Variants in PDE6G observed in about 807,000 individuals in gnomAD.
PDE6G encodes rod cGMP 3',5'-cyclic phosphodiesterase subunit gamma.
In PDE6G, 10 loss-of-function variants were observed where a neutral mutation model predicts 10.9. The observed-to-expected ratio is 0.91, with a 90% CI of 0.56 to 1.55. The LOEUF (loss-of-function observed/expected upper bound fraction) is 1.55, where lower values mean the gene tolerates loss of function less well. Among genes scored for constraint, PDE6G ranks in the 40% most tolerant of loss-of-function variants. The pLI is 0.00. For missense variants in PDE6G, 102 were observed against 110.1 expected, an observed-to-expected ratio of 0.93 and a Z score of 0.33; for synonymous variants, 41 against 42.8, an observed-to-expected ratio of 0.96 and a Z score of 0.16.
chr17:81,652,892 G>A (rs2036384419), intron 2 of PDE6G, among the ~76,000 whole-genome samples: 1 of 61,264 alleles, frequency 1.6e-5, no homozygotes, highest in African/African-American at 8.0e-5. Context: ...CTCCCAAAGC[G>A]CTGAGCCACC....
upstream of PDE6G, among the ~76,000 whole-genome samples, chr17:81,657,880 C>CAAAT (rs1555693831): frequency 1.8e-4 from 25 of 138,786 alleles, no homozygotes; most frequent in African/African-American, 6.6e-4. Flanking sequence ...GATTCTGTTT[C>CAAAT]AAATGAATAA....
chr17:81,651,298 G>A lies in PDE6G; in HGVS notation c.188-148C>T. On this transcript the variant is annotated intron_variant, in intron 3 of 3. Coordinates refer to ENST00000331056, the MANE Select transcript of PDE6G (RefSeq NM_002602.4). This position sits in a 1 kb window ranked among gnomAD's most constrained non-coding sequence, Gnocchi z 4.8. ...GACGCTGGAGTGGGGCCCTCCTCTGGGGACACACTGGCTGTGGGGGAAGGA... is the reference window on the plus strand; with the variant it reads ...GACGCTGGAGTGGGGCCCTCCTCTGAGGACACACTGGCTGTGGGGGAAGGA... The A allele has an allele frequency of 1.5e-6, 1 of 686,972 alleles. No homozygotes were observed. The highest frequency in any genetic ancestry group is 2.6e-6 in the Non-Finnish European group (1 of 380,272). The allele number at this position is 686,972 out of a possible 1,614,324, so 42.6% of individuals were successfully genotyped here.
chr17:81,660,257 CA>C (rs1210424562), upstream of PDE6G, among the ~76,000 whole-genome samples: 3 of 151,406 alleles, frequency 2.0e-5, no homozygotes, highest in South Asian at 2.1e-4. Context: ...ACTAAAAATA[CA>C]AAAAATTAGC....
Position 81,651,702 on chromosome 17 carries a change from C to T in PDE6G, c.147-17G>A. The T allele has an allele frequency of 6.2e-7, 1 of 1,613,842 alleles. No individual in the cohort carries two copies. The highest frequency in any genetic ancestry group is 8.5e-7 in the Non-Finnish European group (1 of 1,179,832). On this transcript the variant is annotated splice_polypyrimidine_tract_variant and intron_variant, in intron 2 of 3. Coordinates refer to ENST00000331056, the MANE Select transcript of PDE6G (RefSeq NM_002602.4). The surrounding 1 kb of genome is among the most constrained non-coding windows in gnomAD (Gnocchi z 4.8). ...TCCCCAAACCTGCAAGGACAGAGCA[C>T]TCAGGGACATGGCCGGGCCCAGTCC...
At chr17:81,652,427 C>A (rs2036373351) in intron 2 of PDE6G, among the ~76,000 whole-genome samples, 1 of 152,060 alleles carries the variant, frequency 6.6e-6, no homozygotes, top group Non-Finnish European at 1.5e-5. Flanking sequence ...CAGGCGCCCG[C>A]CACCACGCCC....
At chr17:81,652,061 G>A (rs568696878) in intron 2 of PDE6G, among the ~76,000 whole-genome samples, 48 of 152,322 alleles carry the variant, frequency 3.2e-4, no homozygotes, top group African/African-American at 1.1e-3. Context: ...GGAGGTGTGA[G>A]CGTGTTTGTG....
At position 81,650,587 on chromosome 17, in the gene PDE6G, C is replaced by T; in HGVS notation, c.*487G>A. The T allele has an allele frequency of 2.2e-6, 1 of 454,308 alleles. No individual in the cohort carries two copies. The highest frequency in any genetic ancestry group is 4.4e-6 in the Non-Finnish European group (1 of 226,908). 28.1% of individuals were successfully genotyped at this position (454,308 alleles called of 1,614,324 possible). On this transcript the variant is annotated 3_prime_UTR_variant, in exon 4 of 4. Coordinates refer to ENST00000331056, the MANE Select transcript of PDE6G (RefSeq NM_002602.4). ...CCGTGCACGCCCTGGAGTCCTGCTACCCAGCATGTCCAAACTAAGGGCACC... is the reference window on the plus strand; with the variant it reads ...CCGTGCACGCCCTGGAGTCCTGCTATCCAGCATGTCCAAACTAAGGGCACC...
intron 2 of PDE6G, among the ~76,000 whole-genome samples, 167 bp downstream of exon 2, chr17:81,652,993 C>T (rs2036385997): frequency 6.6e-6 from 1 of 152,082 alleles, no homozygotes; most frequent in Non-Finnish European, 1.5e-5. Flanking sequence ...CTTCCCCCTC[C>T]TCCATCCCTG....
At chr17:81,656,646 C>T (rs2036451693), upstream of PDE6G, 1 of 706,086 alleles carries the variant, frequency 1.4e-6, no homozygotes, top group South Asian at 1.5e-5. Flanking sequence ...GGGGGCACAA[C>T]CACCAAGGTT....
At position 81,651,716 on chromosome 17, in the gene PDE6G, CG is replaced by C. The variant is rs775250199; in HGVS notation, c.147-32del. ...AGGACAGAGCACTCAGGGACATGGC[CG>C]GGCCCAGTCCTGGCTCAGTCAGCCT... is the stretch of plus-strand genomic sequence containing the variant. On this transcript the variant is annotated intron_variant, in intron 2 of 3. Transcript: ENST00000331056. This position sits in a 1 kb window ranked among gnomAD's most constrained non-coding sequence, Gnocchi z 4.8. The C allele has an allele frequency of 6.2e-7, 1 of 1,612,118 alleles. No individual in the cohort carries two copies. The highest frequency in any genetic ancestry group is 8.5e-7 in the Non-Finnish European group (1 of 1,178,738).
At chr17:81,660,515 A>G (rs1343162660), upstream of PDE6G, among the ~76,000 whole-genome samples, 1 of 152,220 alleles carries the variant, frequency 6.6e-6, no homozygotes, top group African/African-American at 2.4e-5. Flanking sequence ...GCGGCTGTGT[A>G]TAAAGACTAT....
Position 81,653,337 on chromosome 17 carries a change from T to G in PDE6G, c.-32A>C. On this transcript the variant is annotated 5_prime_UTR_variant, in exon 2 of 4. Transcript: ENST00000331056. The surrounding 1 kb of genome is among the most constrained non-coding windows in gnomAD (Gnocchi z 5.2). ...GCTGACGGAGACACCGCGGCAACCT[T>G]GGCTCCTGGACTCCCTCCTGCTGCG... The G allele has an allele frequency of 6.2e-7, 1 of 1,607,934 alleles. No individual in the cohort carries two copies.
rs904433030 is a variant in PDE6G at position 81,653,826 on chromosome 17, T to G, written c.-59-462A>C. On this transcript the variant is annotated intron_variant, in intron 1 of 3. Transcript: ENST00000331056. The surrounding 1 kb of genome is among the most constrained non-coding windows in gnomAD (Gnocchi z 5.2). ...GGTTTTTTTTTGTTTTGTTTTGTTTTTGAGACAGAGTTTTGCTCTTGTTGC... is the reference window on the plus strand; with the variant it reads ...GGTTTTTTTTTGTTTTGTTTTGTTTGTGAGACAGAGTTTTGCTCTTGTTGC... The G allele has an allele frequency of 1.2e-5, 2 of 162,444 alleles. No individual in the cohort carries two copies. The highest frequency in any genetic ancestry group is 2.7e-5 in the Non-Finnish European group (2 of 73,534). 10.1% of individuals were successfully genotyped at this position (162,444 alleles called of 1,614,324 possible).
chr17:81,655,440 C>T (rs906975822), intron 1 of PDE6G, among the ~76,000 whole-genome samples: 5 of 152,228 alleles, frequency 3.3e-5, no homozygotes, highest in African/African-American at 7.2e-5. Context: ...ACCCGCCTGG[C>T]GTGGCGTGGC....
At position 81,651,252 on chromosome 17, in the gene PDE6G, T is replaced by C. The variant is rs1051471427; in HGVS notation, c.188-102A>G. Reference sequence around the variant, plus strand: ...CCACAGCCCAGGTGTAGCCCTACAGTGTGCTGAGCGGGGACGTGCGGACGC... The same window carrying C: ...CCACAGCCCAGGTGTAGCCCTACAGCGTGCTGAGCGGGGACGTGCGGACGC... On this transcript the variant is annotated intron_variant, in intron 3 of 3. Coordinates refer to ENST00000331056, the MANE Select transcript of PDE6G (RefSeq NM_002602.4). This position sits in a 1 kb window ranked among gnomAD's most constrained non-coding sequence, Gnocchi z 4.8. The C allele has an allele frequency of 3.5e-6, 3 of 865,666 alleles. No homozygotes were observed. The highest frequency in any genetic ancestry group is 3.3e-5 in the African/African-American group (2 of 60,468). The allele number at this position is 865,666 out of a possible 1,614,324, so 53.6% of individuals were successfully genotyped here. A position where few individuals can be genotyped will look rare whatever the true frequency, so the allele number is the denominator to read the frequency against.
chr17:81,656,474 G>C lies in PDE6G; in HGVS notation c.-60+19C>G. 2 of 759,386 alleles carry C rather than the reference G, an allele frequency of 2.6e-6. No individual in the cohort carries two copies. Among genetic ancestry groups the C allele is most frequent in the Non-Finnish European group, 4.8e-6 (2 of 415,642 alleles). The allele number at this position is 759,386 out of a possible 1,614,324, so 47.0% of individuals were successfully genotyped here. On this transcript the variant is annotated intron_variant, in intron 1 of 3. Coordinates refer to ENST00000331056, the MANE Select transcript of PDE6G (RefSeq NM_002602.4). The stretch of plus-strand genomic sequence containing the variant: ...GGAAGTGGCTGCCAGGAAAGACAGC[G>C]GGGTTGGCCACTACTCACCAAGTGC...
At chr17:81,652,421 C>T (rs1316940018) in intron 2 of PDE6G, among the ~76,000 whole-genome samples, 2 of 151,966 alleles carry the variant, frequency 1.3e-5, no homozygotes, top group Non-Finnish European at 2.9e-5. Flanking sequence ...GGACTACAGG[C>T]GCCCGCCACC....
In PDE6G at chr17:81,650,873, CCT is replaced by C. The variant is rs1358719781; in HGVS notation, c.*199_*200del. 3.0e-6 allele frequency: 2 copies of C among 656,036 alleles called. No individual in the cohort carries two copies. Among genetic ancestry groups the C allele is most frequent in the South Asian group, 1.5e-5 (1 of 66,230 alleles). 40.6% of individuals were successfully genotyped at this position (656,036 alleles called of 1,614,324 possible). A position where few individuals can be genotyped will look rare whatever the true frequency, so the allele number is the denominator to read the frequency against. ...GATGTTGAGCAGGGCCTGGCCAGCC[CCT>C]GAGGGGGCATCCTAGAGGGAGGTGG... On this transcript the variant is annotated 3_prime_UTR_variant, in exon 4 of 4. Coordinates refer to ENST00000331056, the MANE Select transcript of PDE6G (RefSeq NM_002602.4).
At chr17:81,660,735 G>T (rs1000320557), upstream of PDE6G, among the ~76,000 whole-genome samples, 1 of 152,002 alleles carries the variant, frequency 6.6e-6, no homozygotes, top group Admixed American at 6.6e-5. Flanking sequence ...CAAGTGATCC[G>T]CCCGTCTCAG....
Sources: gnomAD v4.1 joint callset for allele counts (sites outside exome capture counted in the v4.1 genomes callset) on GRCh38, gnomAD v4.1.1 for gene constraint, Gnocchi (gnomAD v3.1) non-coding constraint, MANE v1.5 for transcripts, NCBI Gene and HGNC (gene_info 2026-07-23, HGNC 2026-07-21) for gene names.